Variants in MACROD2 observed in about 807,000 individuals in gnomAD.
MACROD2 encodes the protein mono-ADP ribosylhydrolase 2.
A neutral mutation model predicts 70.4 loss-of-function variants in MACROD2; 36 were observed. The observed-to-expected ratio is 0.51, with a 90% confidence interval of 0.39 to 0.68. The LOEUF (loss-of-function observed/expected upper bound fraction) is 0.68, where lower values mean the gene tolerates loss of function less well. Ranked by LOEUF, MACROD2 falls within the 30% of genes least tolerant of loss-of-function variation. The pLI is 0.00. For synonymous variants in MACROD2, 172 were observed against 178.8 expected (o/e 0.96, Z 0.30); for missense variants, 496 against 538.4 (o/e 0.92, Z 0.78).
chr20:15,321,097 A>T lies in MACROD2; in HGVS notation c.540+91036A>T, dbSNP rs914724295. ...CTTCTGCAAAGTTGTTTCAAAATGCATGCCATCCTGATGACAGGCCACTCG... is the reference window on the plus strand; with the variant it reads ...CTTCTGCAAAGTTGTTTCAAAATGCTTGCCATCCTGATGACAGGCCACTCG... On this transcript the variant is annotated intron_variant, in intron 6 of 17. Coordinates refer to ENST00000684519, the MANE Select transcript of MACROD2 (RefSeq NM_001351661.2). Among the ~76,000 whole-genome samples, 3 of 104,272 alleles carry T rather than the reference A, an allele frequency of 2.9e-5. 1 individual carries two copies. The highest frequency in any genetic ancestry group is 4.9e-5 in the Non-Finnish European group (2 of 40,850). 68.4% of individuals were successfully genotyped at this position (104,272 alleles called of 152,430 possible). A position where few individuals can be genotyped will look rare whatever the true frequency, so the allele number is the denominator to read the frequency against.
intron 3 of MACROD2, among the ~76,000 whole-genome samples, chr20:14,386,044 A>C (rs565040518): frequency 1.1e-3 from 160 of 152,348 alleles, no homozygotes; most frequent in Non-Finnish European, 1.4e-3. Flanking sequence ...TAGGTACCTA[A>C]TTTGTGTGAG....
intron 3 of MACROD2, among the ~76,000 whole-genome samples, chr20:14,383,948 A>G (rs1406139685): frequency 6.6e-6 from 1 of 152,132 alleles, no homozygotes; most frequent in Non-Finnish European, 1.5e-5. Flanking sequence ...ATATGTTACT[A>G]GTGTTTGGAA....
chr20:14,409,988 C>T (rs530306756), intron 3 of MACROD2, among the ~76,000 whole-genome samples: 2 of 152,242 alleles, frequency 1.3e-5, no homozygotes, highest in South Asian at 4.1e-4. Flanking sequence ...ACCTTCTACT[C>T]TTTCTTGAGG....
At chr20:14,247,653 C>T (rs896910666) in intron 3 of MACROD2, among the ~76,000 whole-genome samples, 6 of 152,242 alleles carry the variant, frequency 3.9e-5, no homozygotes, top group African/African-American at 1.4e-4. Context: ...GTGAAGATGA[C>T]GTTTTTAACA....
At chr20:14,482,364 T>C (rs2084672720) in intron 3 of MACROD2, among the ~76,000 whole-genome samples, 1 of 152,112 alleles carries the variant, frequency 6.6e-6, no homozygotes, top group African/African-American at 2.4e-5. Flanking sequence ...TATACTACAG[T>C]AGTTTAAAAA....
Position 15,421,926 on chromosome 20 carries a change from G to A in MACROD2, c.541-9479G>A, listed in dbSNP as rs1045630612. On this transcript the variant is annotated intron_variant, in intron 6 of 17. Transcript: ENST00000684519. Reference sequence around the variant, plus strand: ...AGCTGGAGGCTAGGAAGACCTCTTCGAGGAGGTGACATTTGATCAAAGATC... The same window carrying A: ...AGCTGGAGGCTAGGAAGACCTCTTCAAGGAGGTGACATTTGATCAAAGATC... 3.9e-5 allele frequency among the ~76,000 whole-genome samples: 6 copies of A among 152,206 alleles called. No homozygotes were observed. In the East Asian group the frequency reaches 7.7e-4, roughly 20 times the overall value.
chr20:14,000,253 C>G (rs2038872396), intron 1 of MACROD2, among the ~76,000 whole-genome samples: 1 of 152,018 alleles, frequency 6.6e-6, no homozygotes, highest in Non-Finnish European at 1.5e-5. Flanking sequence ...TTGATTTCAA[C>G]TTCTTCAATG....
intron 5 of MACROD2, among the ~76,000 whole-genome samples, chr20:15,096,499 A>G (rs1485455528): frequency 7.3e-6 from 1 of 137,320 alleles, no homozygotes; most frequent in African/African-American, 2.6e-5. Flanking sequence ...TATATATAAT[A>G]TATGTTTTTT....
At chr20:15,504,112 T>A (rs1014568458) in intron 8 of MACROD2, among the ~76,000 whole-genome samples, 1 of 152,164 alleles carries the variant, frequency 6.6e-6, no homozygotes, top group Non-Finnish European at 1.5e-5. Flanking sequence ...TTTAATTTCA[T>A]AAATCACCGC....
At chr20:15,193,776 CCTCT>C (rs1193116010) in intron 5 of MACROD2, among the ~76,000 whole-genome samples, 11 of 152,096 alleles carry the variant, frequency 7.2e-5, no homozygotes, top group Middle Eastern at 3.4e-3. Flanking sequence ...CTCTCACAGC[CCTCT>C]CTTGGTGGTT....
rs556517442 is a variant in MACROD2 at position 15,506,014 on chromosome 20, C to T, written c.645+6167C>T. 1.2e-3 allele frequency among the ~76,000 whole-genome samples: 183 copies of T among 152,296 alleles called. 1 individual carries two copies. The highest frequency in any genetic ancestry group is 4.1e-3 in the African/African-American group (172 of 41,572). ...TATTGCTGTTTGTCACTTAAAGTAG[C>T]AAGCCTACAGATGTGGCAGGGGATC... On this transcript the variant is annotated intron_variant, in intron 8 of 17. Coordinates refer to ENST00000684519, the MANE Select transcript of MACROD2 (RefSeq NM_001351661.2).
chr20:15,479,429 C>T (rs958834641), intron 7 of MACROD2, among the ~76,000 whole-genome samples: 8 of 151,354 alleles, frequency 5.3e-5, no homozygotes, highest in South Asian at 4.2e-4. Flanking sequence ...CCCGCCACTA[C>T]GCCCGGCTAA....
intron 15 of MACROD2, among the ~76,000 whole-genome samples, chr20:16,001,651 G>T (rs1484319513): frequency 6.6e-6 from 1 of 152,116 alleles, no homozygotes. Flanking sequence ...GGGAAAAATA[G>T]ATATTTCTTC....
chr20:14,092,981 TC>T (rs1273554939), intron 3 of MACROD2, among the ~76,000 whole-genome samples: 1 of 152,242 alleles, frequency 6.6e-6, no homozygotes, highest in African/African-American at 2.4e-5. Flanking sequence ...GCTGCTTTCT[TC>T]CTGAGCAGTT....
chr20:15,069,876 C>T (rs2075605877), intron 5 of MACROD2, among the ~76,000 whole-genome samples: 1 of 152,212 alleles, frequency 6.6e-6, no homozygotes, highest in African/African-American at 2.4e-5. Context: ...GGGGTTGGAG[C>T]TACCATACAG....
intron 4 of MACROD2, among the ~76,000 whole-genome samples, chr20:14,683,102 C>T (rs1568736597): frequency 1.3e-5 from 2 of 152,278 alleles, no homozygotes; most frequent in East Asian, 3.9e-4. Context: ...TGGTCTCGAA[C>T]ATCTGACCTC....
At chr20:15,396,778 A>G (rs957650148) in intron 6 of MACROD2, among the ~76,000 whole-genome samples, 1 of 152,162 alleles carries the variant, frequency 6.6e-6, no homozygotes, top group Non-Finnish European at 1.5e-5. Flanking sequence ...TAGTCTGTGG[A>G]AGACTATAAC....
chr20:14,861,794 C>T (rs931028796), intron 5 of MACROD2, among the ~76,000 whole-genome samples: 3 of 149,008 alleles, frequency 2.0e-5, no homozygotes, highest in African/African-American at 4.9e-5. Context: ...AAGGGCTAAC[C>T]CCATCTGGCA....
chr20:15,681,595 A>G (rs917960072), intron 8 of MACROD2, among the ~76,000 whole-genome samples: 11 of 152,240 alleles, frequency 7.2e-5, no homozygotes, highest in African/African-American at 2.7e-4. Context: ...TGTATGAACC[A>G]GTGCTCATTT....
Sources: allele counts gnomAD v4.1 joint callset (sites outside exome capture counted in the v4.1 genomes callset), GRCh38; gene constraint gnomAD v4.1.1; transcripts MANE v1.5; gene names NCBI Gene and HGNC (gene_info 2026-07-23, HGNC 2026-07-21).